FSTL5: variants seen among roughly 807,000 people sequenced by gnomAD.
FSTL5 encodes follistatin like 5.
FSTL5 carries 62 observed loss-of-function variants against 89.1 expected under a neutral mutation model. The observed-to-expected ratio is 0.70, with a 90% CI of 0.57 to 0.86. The LOEUF is 0.86. FSTL5 is among the 40% of genes least tolerant of loss of function. FSTL5 has a pLI of 0.00. For missense variants in FSTL5, 1,057 were observed against 1,001.6 expected, an observed-to-expected ratio of 1.06 and a Z score of -0.75; for synonymous variants, 383 against 346.2, an observed-to-expected ratio of 1.11 and a Z score of -1.18.
intron 6 of FSTL5, among the ~76,000 whole-genome samples, chr4:161,680,495 C>G (rs990135432): frequency 6.6e-6 from 1 of 151,866 alleles, no homozygotes; most frequent in African/African-American, 2.4e-5. Context: ...AAAGTGACAA[C>G]AACTTTAACT....
intron 4 of FSTL5, among the ~76,000 whole-genome samples, chr4:161,804,250 A>G (rs1729889685): frequency 6.6e-6 from 1 of 151,992 alleles, no homozygotes; most frequent in South Asian, 2.1e-4. Context: ...CTCTATCTTA[A>G]GGTCCCTACC....
rs75344800 is a variant in FSTL5 at position 162,127,914 on chromosome 4, T to G, written c.-16-16502A>C. Among the ~76,000 whole-genome samples the G allele has an allele frequency of 2.1e-3, 315 of 152,306 alleles. 14 individuals carry two copies. In the East Asian group the frequency reaches 0.05, roughly 24 times the overall value. ...ATGGGATACACAGCCTATAAGTAATTCAAATTATTCACTAAGGGAATGATT... is the reference window on the plus strand; with the variant it reads ...ATGGGATACACAGCCTATAAGTAATGCAAATTATTCACTAAGGGAATGATT... On this transcript the variant is annotated intron_variant, in intron 1 of 15. Coordinates refer to ENST00000306100, the MANE Select transcript of FSTL5 (RefSeq NM_020116.5).
At chr4:162,015,499 C>A (rs1468508657) in intron 3 of FSTL5, among the ~76,000 whole-genome samples, 1 of 152,138 alleles carries the variant, frequency 6.6e-6, no homozygotes, top group African/African-American at 2.4e-5. Context: ...CCACACCACA[C>A]GCTGCCCACT....
chr4:161,777,965 G>T (rs868311737), intron 4 of FSTL5, among the ~76,000 whole-genome samples: 3 of 152,024 alleles, frequency 2.0e-5, no homozygotes, highest in Middle Eastern at 3.2e-3. Context: ...ACGATGGCAC[G>T]TGCCTCTAAA....
intron 15 of FSTL5, among the ~76,000 whole-genome samples, chr4:161,413,998 C>A (rs1017005910): frequency 2.6e-5 from 4 of 152,132 alleles, no homozygotes; most frequent in Non-Finnish European, 5.9e-5. Context: ...ATCCCATTCT[C>A]CAAACCTCAG....
intron 15 of FSTL5, among the ~76,000 whole-genome samples, chr4:161,396,151 A>G (rs1730987222): frequency 1.3e-5 from 2 of 151,550 alleles, no homozygotes; most frequent in Admixed American, 6.6e-5. Context: ...AGAGAAGCCC[A>G]CCCATCCCAG....
intron 4 of FSTL5, among the ~76,000 whole-genome samples, chr4:161,811,753 T>C (rs544769258): frequency 3.3e-5 from 5 of 152,184 alleles, no homozygotes; most frequent in Admixed American, 3.3e-4. Flanking sequence ...GAAAATTTTA[T>C]GCGCAATAAT....
intron 5 of FSTL5, among the ~76,000 whole-genome samples, chr4:161,759,804 T>G (rs1016299951): frequency 6.6e-6 from 1 of 152,120 alleles, no homozygotes; most frequent in Admixed American, 6.5e-5. Context: ...ATCTGAACAT[T>G]TAAAGAACAT....
intron 15 of FSTL5, among the ~76,000 whole-genome samples, chr4:161,438,124 G>A (rs1323099588): frequency 1.4e-5 from 2 of 147,094 alleles, no homozygotes; most frequent in East Asian, 1.9e-4. Flanking sequence ...AGAAGCCGTC[G>A]AAAAGAAGAA....
intron 6 of FSTL5, among the ~76,000 whole-genome samples, chr4:161,710,136 T>G (rs2126738899): frequency 1.3e-5 from 2 of 152,108 alleles, no homozygotes; most frequent in Middle Eastern, 3.4e-3. Flanking sequence ...GCCCAGCTAA[T>G]TTTTACATTT....
At chr4:161,755,802 A>C (rs928706862) in intron 6 of FSTL5, among the ~76,000 whole-genome samples, 2 of 152,044 alleles carry the variant, frequency 1.3e-5, no homozygotes, top group Non-Finnish European at 2.9e-5. Context: ...TTTTGAATAG[A>C]TTTCTTTTCC....
chr4:161,909,727 G>A (rs890056497), intron 4 of FSTL5, among the ~76,000 whole-genome samples: 3 of 152,062 alleles, frequency 2.0e-5, no homozygotes, highest in Admixed American at 2.0e-4. Flanking sequence ...AATGAAGGAA[G>A]AAGCCATGCT....
chr4:161,481,261 A>G, intron 12 of FSTL5, 92 bp from the exon 13 acceptor site: 1 of 893,632 alleles, frequency 1.1e-6, no homozygotes, highest in Non-Finnish European at 1.7e-6. Flanking sequence ...TTCATACTTT[A>G]CTACTTTCAG....
At chr4:161,618,320 TCTC>T (rs527429327) in intron 7 of FSTL5, among the ~76,000 whole-genome samples, 1 of 136,288 alleles carries the variant, frequency 7.3e-6, no homozygotes, top group Non-Finnish European at 1.6e-5. Context: ...TTTATTTCCT[TCTC>T]CTGCCTAATT....
In FSTL5 at chr4:161,589,299, G is replaced by A. The variant is rs989880928; in HGVS notation, c.895-1724C>T. Among the ~76,000 whole-genome samples the A allele has an allele frequency of 2.6e-5, 4 of 152,138 alleles. No individual in the cohort carries two copies. The East Asian group carries it at 5.8e-4, about 22-fold the overall frequency. On this transcript the variant is annotated intron_variant, in intron 7 of 15. Transcript: ENST00000306100. Reference sequence around the variant, plus strand: ...AGTGATTCTCCTGCCTCAGCCTCCTGAGTAGCTGGGATTACAGGTGCTACA... The same window carrying A: ...AGTGATTCTCCTGCCTCAGCCTCCTAAGTAGCTGGGATTACAGGTGCTACA...
chr4:161,571,157 T>C (rs1489767736), intron 8 of FSTL5, among the ~76,000 whole-genome samples: 2 of 150,972 alleles, frequency 1.3e-5, no homozygotes, highest in Non-Finnish European at 3.0e-5. Flanking sequence ...TGAAACATAG[T>C]AAAAAGAATC....
In FSTL5 at chr4:161,385,773, T is replaced by C; in HGVS notation, c.2518A>G (p.Thr840Ala). 1 of 1,606,330 alleles carries C rather than the reference T, an allele frequency of 6.2e-7. No homozygotes were observed. Among genetic ancestry groups the C allele is most frequent in the Non-Finnish European group, 8.5e-7 (1 of 1,177,038 alleles). The change falls in exon 16 of 16, where the codon ACA becomes GCA. Residue 840 changes from threonine to alanine, a missense_variant. Coordinates refer to ENST00000306100, the MANE Select transcript of FSTL5 (RefSeq NM_020116.5). The part of the protein sequence containing the change: ...CEITEVEKGN[T>A]VIWVGDA ...TAGGCATCTCCAACCCAAATGACTG[T>C]ATTTCCTTTTTCAACTTCAGTGATC...
intron 15 of FSTL5, among the ~76,000 whole-genome samples, chr4:161,428,234 C>T (rs749739978): frequency 6.6e-6 from 1 of 152,216 alleles, no homozygotes; most frequent in Non-Finnish European, 1.5e-5. Flanking sequence ...TTCCACAAAT[C>T]TCACCCCCAC....
chr4:161,520,441 T>G (rs1207173611), intron 10 of FSTL5, among the ~76,000 whole-genome samples: 2 of 151,872 alleles, frequency 1.3e-5, no homozygotes, highest in Non-Finnish European at 2.9e-5. Context: ...GGATAAAAAT[T>G]GCTAGATATT....
Sources: allele counts gnomAD v4.1 joint callset (sites outside exome capture counted in the v4.1 genomes callset), GRCh38; gene constraint gnomAD v4.1.1; transcripts MANE v1.5; gene names NCBI Gene and HGNC (gene_info 2026-07-23, HGNC 2026-07-21).